Variants in ABCA5 observed in about 807,000 individuals in gnomAD.
ABCA5 encodes ATP binding cassette subfamily A member 5.
A neutral mutation model predicts 206.0 loss-of-function variants in ABCA5; 163 were observed. The ratio of observed to expected loss-of-function variants is 0.79; its 90% confidence interval spans 0.70 to 0.90. ABCA5 has a LOEUF of 0.90. Among genes scored for constraint, ABCA5 ranks in the 40% least tolerant of loss-of-function variants. ABCA5 has a pLI of 0.00. For missense variants in ABCA5, 1,859 were observed against 1,912.9 expected, an observed-to-expected ratio of 0.97 and a Z score of 0.53; for synonymous variants, 609 against 613.8, an observed-to-expected ratio of 0.99 and a Z score of 0.11.
At chr17:69,283,807 C>G in intron 18 of ABCA5, 146 bp downstream of exon 18, 1 of 653,066 alleles carries the variant, frequency 1.5e-6, no homozygotes, top group Non-Finnish European at 2.1e-6. Context: ...CTGCATTACT[C>G]CTATCACTAT....
At chr17:69,253,972 G>T in intron 32 of ABCA5, 103 bp from the exon 33 acceptor site, 1 of 932,668 alleles carries the variant, frequency 1.1e-6, no homozygotes, top group Non-Finnish European at 1.6e-6. Context: ...TAGTTACTTA[G>T]TCGAAGCTTA....
At chr17:69,301,043 C>G in intron 9 of ABCA5, 96 bp downstream of exon 9, 1 of 1,146,962 alleles carries the variant, frequency 8.7e-7, no homozygotes, top group Non-Finnish European at 1.2e-6. Context: ...CTTAGGGTAC[C>G]CTGGTTAGGA....
At position 69,306,763 on chromosome 17, in the gene ABCA5, T is replaced by A; in HGVS notation, c.750A>T (p.Glu250Asp). 6.4e-7 allele frequency: 1 copy of A among 1,561,132 alleles called. No individual in the cohort carries two copies. The highest frequency in any genetic ancestry group is 8.7e-7 in the Non-Finnish European group (1 of 1,153,164). ...CATGAAGTCCCATTATCTTTAAAAATTCTTTTATTTTTTTTTCTTTTTCTG... is the reference window on the plus strand; with the variant it reads ...CATGAAGTCCCATTATCTTTAAAAAATCTTTTATTTTTTTTTCTTTTTCTG... ...IVAEKEKKIKEFLKIMGLHDT... is the reference protein window; with the variant it reads ...IVAEKEKKIKDFLKIMGLHDT... Residue 250 changes from glutamate to aspartate, a missense_variant, in exon 6 of 39, where the codon GAA becomes GAT. Transcript: ENST00000392676.
intron 1 of ABCA5, among the ~76,000 whole-genome samples, chr17:69,318,514 A>G (rs2075836456): frequency 6.6e-6 from 1 of 152,216 alleles, no homozygotes; most frequent in African/African-American, 2.4e-5. Flanking sequence ...TTAAATTAGC[A>G]ATGGAATTAA....
Position 69,281,760 on chromosome 17 carries a change from T to C in ABCA5, c.2392+2193A>G, listed in dbSNP as rs2075396254. Among the ~76,000 whole-genome samples the C allele has an allele frequency of 2.0e-5, 3 of 152,186 alleles. No individual in the cohort carries two copies. The South Asian group carries it at 6.2e-4, about 32-fold the overall frequency. ...AATTTGACTACCAAACCATGAATAA[T>C]TAAATTCTAGTAATATTTTAAGTTC... On this transcript the variant is annotated intron_variant, in intron 18 of 38. Coordinates refer to ENST00000392676, the MANE Select transcript of ABCA5 (RefSeq NM_172232.4).
rs148793644 is a variant in ABCA5, at chr17:69,320,461, A to G, written c.-15-6031T>C. On this transcript the variant is annotated intron_variant, in intron 1 of 38. Coordinates refer to ENST00000392676, the MANE Select transcript of ABCA5 (RefSeq NM_172232.4). ...CAACAATCTGATTTTTCTTATACTC[A>G]AAAGCTTTAGTCTAATCATATGAAA... Among the ~76,000 whole-genome samples, 87 of 152,302 alleles carry G rather than the reference A, an allele frequency of 5.7e-4. 1 individual carries two copies. The East Asian group carries it at 0.015, about 27-fold the overall frequency.
chr17:69,273,982 C>T lies in ABCA5; in HGVS notation c.2741G>A (p.Ser914Asn). The T allele has an allele frequency of 6.2e-7, 1 of 1,604,662 alleles. No individual in the cohort carries two copies. Among genetic ancestry groups the T allele is most frequent in the Non-Finnish European group, 8.5e-7 (1 of 1,177,414 alleles). Reference protein sequence around the residue: ...PGDKPHKYKTSLLLQNSADSD... With the variant: ...PGDKPHKYKTNLLLQNSADSD... ...ACCAGCAGAATTTTGAAGAAGCAGA[C>T]TTGTTTTGTATTTATGTGGTTTGTC... The change falls in exon 20 of 39, where the codon AGT becomes AAT. Residue 914 changes from serine (S) to asparagine (N), a missense_variant. Coordinates refer to ENST00000392676, the MANE Select transcript of ABCA5 (RefSeq NM_172232.4).
chr17:69,292,595 C>A (rs1039929189), intron 11 of ABCA5, among the ~76,000 whole-genome samples: 1 of 152,088 alleles, frequency 6.6e-6, no homozygotes, highest in African/African-American at 2.4e-5. Context: ...TTATTTCATT[C>A]TCTTGCTTCT....
intron 23 of ABCA5, among the ~76,000 whole-genome samples, chr17:69,265,899 A>T (rs140004177): frequency 6.6e-6 from 1 of 152,210 alleles, no homozygotes. Context: ...TAAAATTAAC[A>T]TGTATAATTC....
intron 1 of ABCA5, chr17:69,318,975 T>A (rs542983329): frequency 3.8e-6 from 2 of 531,590 alleles, no homozygotes; most frequent in East Asian, 7.2e-5. Context: ...ATAATGGCTG[T>A]TCAGCAGAAA....
intron 17 of ABCA5, 70 bp from the exon 18 acceptor site, chr17:69,284,142 TA>T: frequency 7.7e-7 from 1 of 1,296,128 alleles, no homozygotes; most frequent in Non-Finnish European, 1.0e-6. Flanking sequence ...AAATATCCTT[TA>T]AAAATAAGTT....
At position 69,254,389 on chromosome 17, in the gene ABCA5, T is replaced by C. The variant is rs758230526; in HGVS notation, c.4170A>G (p.Thr1390=). ...CATAAATTTCAAAATGTTCCTGCAA[T>C]GTAGTATCTGGCCACAAAGGGTTTA... ...PQINPLWPDT[T]LQEHFEIYGA... The change falls in exon 32 of 39, where the codon ACA becomes ACG. Residue 1390 remains threonine, a synonymous_variant. Transcript: ENST00000392676. 1.3e-5 allele frequency: 21 copies of C among 1,613,718 alleles called. No homozygotes were observed. The East Asian group carries it at 2.5e-4, about 19-fold the overall frequency.
rs79818839 is a variant in ABCA5 at position 69,324,407 on chromosome 17, G to A, written c.-16+2645C>T. 7.5e-4 allele frequency among the ~76,000 whole-genome samples: 114 copies of A among 152,330 alleles called. 2 individuals are homozygous for A. In the East Asian group the frequency reaches 0.018, roughly 24 times the overall value. On this transcript the variant is annotated intron_variant, in intron 1 of 38. Transcript: ENST00000392676. The stretch of plus-strand genomic sequence containing the variant: ...GCAGAGGCATAAGGCAAAGTGAACC[G>A]GAGCAAGGGGTGCAGATGTATGTTC...
At chr17:69,297,165 C>T (rs2075592924) in intron 10 of ABCA5, 26 bp downstream of exon 10, 1 of 1,596,988 alleles carries the variant, frequency 6.3e-7, no homozygotes, top group South Asian at 1.1e-5. Context: ...GTTCTTATAC[C>T]TAAATTGCCA....
At chr17:69,293,869 TGTGC>T (rs1555582011) in intron 11 of ABCA5, among the ~76,000 whole-genome samples, 3,446 of 81,914 alleles carry the variant, frequency 0.042, 63 homozygotes, top group South Asian at 0.1. Flanking sequence ...TGTGTGTGTG[TGTGC>T]GTGTGTGTGT....
At chr17:69,323,648 G>C (rs570544294) in intron 1 of ABCA5, among the ~76,000 whole-genome samples, 1 of 152,020 alleles carries the variant, frequency 6.6e-6, no homozygotes, top group Admixed American at 6.6e-5. Flanking sequence ...TCTTGAACTT[G>C]ACCATGAGAT....
At chr17:69,256,319 T>C in intron 28 of ABCA5, 36 bp from the exon 29 acceptor site, 1 of 1,356,158 alleles carries the variant, frequency 7.4e-7, no homozygotes, top group Non-Finnish European at 9.8e-7. Flanking sequence ...GACAGTAGGT[T>C]TTCAAATAAT....
At chr17:69,298,338 G>A (rs1057415024) in intron 9 of ABCA5, among the ~76,000 whole-genome samples, 3 of 149,914 alleles carry the variant, frequency 2.0e-5, no homozygotes, top group Non-Finnish European at 4.5e-5. Context: ...AAGGAAGGAA[G>A]GAAGGAAGGA....
chr17:69,287,069 G>T lies in ABCA5; in HGVS notation c.2041+544C>A, dbSNP rs116175431. ...GTGCCTAAACTGTACAAACAATGTGGTTTATGCCAAACAACTTCTTTCCTT... is the reference window on the plus strand; with the variant it reads ...GTGCCTAAACTGTACAAACAATGTGTTTTATGCCAAACAACTTCTTTCCTT... On this transcript the variant is annotated intron_variant, in intron 15 of 38. Coordinates refer to ENST00000392676, the MANE Select transcript of ABCA5 (RefSeq NM_172232.4). 2.1e-3 allele frequency among the ~76,000 whole-genome samples: 318 copies of T among 152,264 alleles called. 2 individuals carry two copies. Among genetic ancestry groups the T allele is most frequent in the African/African-American group, 7.0e-3 (289 of 41,554 alleles).
Sources: allele counts gnomAD v4.1 joint callset (sites outside exome capture counted in the v4.1 genomes callset), GRCh38; gene constraint gnomAD v4.1.1; transcripts MANE v1.5; gene names NCBI Gene and HGNC (gene_info 2026-07-23, HGNC 2026-07-21).